EHBP1: variants seen among roughly 807,000 people sequenced by gnomAD.
EHBP1 encodes EH domain binding protein 1, also known as EH domain-binding protein 1.
Under a neutral mutation model 144.0 loss-of-function variants are expected in EHBP1, and 55 were observed. The observed-to-expected ratio is 0.38, with a 90% CI of 0.31 to 0.48. EHBP1 has a LOEUF of 0.48. Among genes scored for constraint, EHBP1 ranks in the 20% least tolerant of loss-of-function variants. The pLI is 0.98. For synonymous variants in EHBP1, 469 were observed against 472.7 expected (o/e 0.99, Z 0.10); for missense variants, 1,200 against 1,364.2 (o/e 0.88, Z 1.90).
At chr2:62,881,700 A>G (rs1373657071) in intron 10 of EHBP1, 3 of 152,168 alleles carry the variant, frequency 2.0e-5, no homozygotes, top group Admixed American at 6.6e-5. Context: ...AGAAATTTTA[A>G]TACGTGATGA....
At chr2:62,931,304 A>G (rs908759087) in intron 10 of EHBP1, among the ~76,000 whole-genome samples, 9 of 152,218 alleles carry the variant, frequency 5.9e-5, no homozygotes, top group Admixed American at 5.2e-4. Context: ...GGGAAATACA[A>G]ATCAAAACCA....
At chr2:62,992,092 A>G (rs1015216994) in intron 16 of EHBP1, among the ~76,000 whole-genome samples, 2 of 152,210 alleles carry the variant, frequency 1.3e-5, no homozygotes, top group Admixed American at 6.5e-5. Flanking sequence ...GTAAAGTGGC[A>G]GAAGTCCCTA....
chr2:62,705,211 G>A (rs147694266), upstream of EHBP1, among the ~76,000 whole-genome samples: 864 of 152,194 alleles, frequency 5.7e-3, 8 homozygotes, highest in Middle Eastern at 0.01. Context: ...GTTGCCAGTG[G>A]CGGAGGAGAG....
At chr2:63,005,653 G>C (rs1047050772) in intron 19 of EHBP1, among the ~76,000 whole-genome samples, 1 of 151,510 alleles carries the variant, frequency 6.6e-6, no homozygotes, top group Non-Finnish European at 1.5e-5. Context: ...TTTCTTTTTC[G>C]ATTACCAAGC....
chr2:62,931,674 A>G (rs543883858), intron 10 of EHBP1, among the ~76,000 whole-genome samples: 16 of 152,318 alleles, frequency 1.1e-4, no homozygotes, highest in Admixed American at 7.8e-4. Context: ...CCTCATTCTA[A>G]GTAATGTGAT....
chr2:62,990,661 C>T, intron 15 of EHBP1, 55 bp from the exon 16 acceptor site: 1 of 1,574,672 alleles, frequency 6.4e-7, no homozygotes, highest in Non-Finnish European at 8.7e-7. Flanking sequence ...AATTGACAGC[C>T]TACATATCTA....
rs369386049 is a variant in EHBP1 at position 62,944,407 on chromosome 2, T to C, written c.1413+557T>C. ...ATTTTTACTGTACCTTTTCTATGTT[T>C]AGATACACAAATACCATTGTGTTAC... On this transcript the variant is annotated intron_variant, in intron 12 of 22. Transcript: ENST00000431489. Among the ~76,000 whole-genome samples the C allele has an allele frequency of 3.7e-4, 57 of 152,366 alleles. 1 individual carries two copies. The highest frequency in any genetic ancestry group is 6.8e-3 in the Middle Eastern group (2 of 294).
intron 21 of EHBP1, chr2:63,043,832 GAGAAACCCAAA>G (rs2061785805): frequency 7.2e-6 from 1 of 138,580 alleles, no homozygotes; most frequent in African/African-American, 2.7e-5. Flanking sequence ...AGAGAGAAGA[GAGAAACCCAAA>G]AGGATTGCAC....
At chr2:62,967,580 T>G (rs776446806) in intron 14 of EHBP1, among the ~76,000 whole-genome samples, 1 of 152,216 alleles carries the variant, frequency 6.6e-6, no homozygotes, top group Non-Finnish European at 1.5e-5. Flanking sequence ...TTTTCACTTG[T>G]GCTTTACATT....
intron 2 of EHBP1, among the ~76,000 whole-genome samples, chr2:62,737,006 A>G (rs987141295): frequency 2.0e-5 from 3 of 152,148 alleles, no homozygotes; most frequent in Non-Finnish European, 2.9e-5. Flanking sequence ...CTATAGTCCT[A>G]TGATTAAGTC....
intron 14 of EHBP1, among the ~76,000 whole-genome samples, chr2:62,967,587 C>T (rs2058304853): frequency 6.6e-6 from 1 of 152,162 alleles, no homozygotes; most frequent in Admixed American, 6.5e-5. Context: ...TTGTGCTTTA[C>T]ATTTTGATCA....
At chr2:62,876,849 A>G (rs2050926274) in intron 10 of EHBP1, among the ~76,000 whole-genome samples, 1 of 152,220 alleles carries the variant, frequency 6.6e-6, no homozygotes, top group South Asian at 2.1e-4. Flanking sequence ...TCCCTCCTCC[A>G]ACATTGGGAA....
intron 10 of EHBP1, among the ~76,000 whole-genome samples, chr2:62,902,249 A>G (rs2053473120): frequency 6.6e-6 from 1 of 152,166 alleles, no homozygotes; most frequent in Non-Finnish European, 1.5e-5. Context: ...ATTTTTCAAC[A>G]ATGAAAAAAG....
intron 19 of EHBP1, among the ~76,000 whole-genome samples, chr2:63,015,106 G>A (rs1464332428): frequency 1.3e-5 from 2 of 152,162 alleles, no homozygotes; most frequent in African/African-American, 4.8e-5. Context: ...AATTTTGCCA[G>A]TGTTTCTCAC....
Position 62,865,109 on chromosome 2 carries a change from G to A in EHBP1, c.998+138G>A, listed in dbSNP as rs1184083063. Reference sequence around the variant, plus strand: ...TCAGTATCTAACTCGTCCACTATCTGAGTGTTTATAGTCTTAAACCTTATT... The same window carrying A: ...TCAGTATCTAACTCGTCCACTATCTAAGTGTTTATAGTCTTAAACCTTATT... On this transcript the variant is annotated intron_variant, in intron 9 of 22. Transcript: ENST00000431489. The A allele has an allele frequency of 6.2e-6, 6 of 975,282 alleles. No individual in the cohort carries two copies. The African/African-American group carries it at 9.8e-5, about 16-fold the overall frequency. 60.4% of individuals were successfully genotyped at this position (975,282 alleles called of 1,614,324 possible).
At chr2:62,780,766 G>A (rs2042368645) in intron 5 of EHBP1, among the ~76,000 whole-genome samples, 1 of 152,100 alleles carries the variant, frequency 6.6e-6, no homozygotes, top group African/African-American at 2.4e-5. Flanking sequence ...ATTTCACATA[G>A]CAGTTTAATT....
At chr2:62,772,987 T>C (rs952720350) in intron 5 of EHBP1, among the ~76,000 whole-genome samples, 1 of 152,190 alleles carries the variant, frequency 6.6e-6, no homozygotes, top group African/African-American at 2.4e-5. Flanking sequence ...ATTGTGAAAT[T>C]GCTATATTCT....
chr2:62,683,146 C>T (rs1428423237), intron 1 of EHBP1, among the ~76,000 whole-genome samples: 1 of 136,712 alleles, frequency 7.3e-6, no homozygotes, highest in African/African-American at 2.7e-5. Context: ...GGTCCCACCC[C>T]CTCCTATCCC....
At chr2:62,828,473 C>T (rs768694667) in intron 6 of EHBP1, among the ~76,000 whole-genome samples, 3 of 152,128 alleles carry the variant, frequency 2.0e-5, no homozygotes, top group Non-Finnish European at 4.4e-5. Context: ...TGGTATTTAA[C>T]ATACAATCAT....
Sources: gnomAD v4.1 joint callset for allele counts (sites outside exome capture counted in the v4.1 genomes callset) on GRCh38, gnomAD v4.1.1 for gene constraint, MANE v1.5 for transcripts, NCBI Gene and HGNC (gene_info 2026-07-23, HGNC 2026-07-21) for gene names.